The following SDK1 variants were observed in gnomAD, a reference collection of about 807,000 sequenced individuals.
SDK1 encodes the protein sidekick cell adhesion molecule 1, also known as protein sidekick-1.
SDK1 carries 157 observed loss-of-function variants against 245.5 expected under a neutral mutation model. The ratio of observed to expected loss-of-function variants is 0.64; its 90% CI spans 0.56 to 0.73. The LOEUF is 0.73. SDK1 is among the 30% of genes least tolerant of loss of function. The pLI is 0.00. For synonymous variants in SDK1, 1,647 were observed against 1,278.5 expected (o/e 1.29, Z -6.15); for missense variants, 3,583 against 3,002.3 (o/e 1.19, Z -4.52).
chr7:4,065,867 C>G (rs1047646852), intron 19 of SDK1, among the ~76,000 whole-genome samples: 4 of 152,010 alleles, frequency 2.6e-5, no homozygotes, highest in African/African-American at 7.2e-5. Context: ...AGAACAGGGA[C>G]TTTGCAGGGG....
intron 1 of SDK1, among the ~76,000 whole-genome samples, chr7:3,531,788 A>T: frequency 6.6e-6 from 1 of 152,360 alleles, no homozygotes; most frequent in South Asian, 2.1e-4. Flanking sequence ...TATCTGAACA[A>T]TGTAAAGTGT....
In SDK1 at chr7:3,838,698, T is replaced by C. The variant is rs57140162; in HGVS notation, c.847+17115T>C. Among the ~76,000 whole-genome samples, 441 of 152,330 alleles carry C rather than the reference T, an allele frequency of 2.9e-3. 4 individuals carry two copies. Among genetic ancestry groups the C allele is most frequent in the African/African-American group, 0.01 (421 of 41,572 alleles). ...CGATCTGAGGGAGCTGATGGGATGC[T>C]GCTCTCAACTGGGGCATCACCTCAT... On this transcript the variant is annotated intron_variant, in intron 5 of 44. Coordinates refer to ENST00000404826, the MANE Select transcript of SDK1 (RefSeq NM_152744.4).
At chr7:3,550,954 A>G (rs1779383806) in intron 1 of SDK1, among the ~76,000 whole-genome samples, 1 of 152,236 alleles carries the variant, frequency 6.6e-6, no homozygotes, top group African/African-American at 2.4e-5. Flanking sequence ...TGATTGTTAA[A>G]AGAAATAAAG....
chr7:3,998,767 C>T (rs1784860925), intron 14 of SDK1, among the ~76,000 whole-genome samples: 2 of 152,198 alleles, frequency 1.3e-5, no homozygotes, highest in South Asian at 2.1e-4. Flanking sequence ...ACAACACCTC[C>T]GTATCTTCCG....
intron 4 of SDK1, among the ~76,000 whole-genome samples, chr7:3,739,880 T>C (rs973992382): frequency 6.6e-6 from 1 of 152,248 alleles, no homozygotes; most frequent in Non-Finnish European, 1.5e-5. Flanking sequence ...ATATGGCAAT[T>C]TTGGAAATCA....
chr7:3,862,105 T>C (rs753625689), intron 5 of SDK1, among the ~76,000 whole-genome samples: 4 of 152,214 alleles, frequency 2.6e-5, no homozygotes, highest in Non-Finnish European at 5.9e-5. Context: ...AACATCTCAT[T>C]TGAATTACTA....
intron 4 of SDK1, among the ~76,000 whole-genome samples, chr7:3,806,279 C>CTAGGATGTGGACGTCCACAT (rs1779241830): frequency 7.2e-6 from 1 of 139,096 alleles, no homozygotes; most frequent in Non-Finnish European, 1.6e-5. Flanking sequence ...TAACGTATCT[C>CTAGGATGTGGACGTCCACAT]TAGGATGTGG....
chr7:3,608,754 A>G (rs543013220), intron 1 of SDK1, among the ~76,000 whole-genome samples: 105 of 152,364 alleles, frequency 6.9e-4, no homozygotes, highest in Non-Finnish European at 1.3e-3. Context: ...TTAATGTAAC[A>G]AAGCACCAAA....
chr7:3,951,975 T>C, intron 7 of SDK1, 55 bp downstream of exon 7: 1 of 1,483,024 alleles, frequency 6.7e-7, no homozygotes, highest in Non-Finnish European at 9.2e-7. Context: ...CATCCGACAC[T>C]GACTCTTCTG....
chr7:3,478,462 C>G (rs538685038), intron 1 of SDK1, among the ~76,000 whole-genome samples: 3 of 151,870 alleles, frequency 2.0e-5, no homozygotes, highest in African/African-American at 7.2e-5. Flanking sequence ...AGAAAAATAA[C>G]CTAGGAGTAT....
At chr7:3,970,650 A>G (rs1782421358) in intron 11 of SDK1, among the ~76,000 whole-genome samples, 1 of 152,240 alleles carries the variant, frequency 6.6e-6, no homozygotes, top group Non-Finnish European at 1.5e-5. Context: ...ATTCAACATT[A>G]TAGCGACACT....
intron 1 of SDK1, among the ~76,000 whole-genome samples, chr7:3,403,386 T>G (rs1207501868): frequency 6.6e-6 from 1 of 152,166 alleles, no homozygotes; most frequent in Non-Finnish European, 1.5e-5. Context: ...TTTTGGAGAA[T>G]TGTTAGTTAT....
chr7:3,614,591 G>A (rs11979940), intron 1 of SDK1, among the ~76,000 whole-genome samples: 3 of 152,006 alleles, frequency 2.0e-5, no homozygotes, highest in African/African-American at 7.3e-5. Context: ...CTTGAATACT[G>A]ATCCTTCTTT....
chr7:3,664,637 G>A (rs1783470180), intron 4 of SDK1, among the ~76,000 whole-genome samples: 1 of 151,806 alleles, frequency 6.6e-6, no homozygotes, highest in Non-Finnish European at 1.5e-5. Flanking sequence ...CTGCTTGGAA[G>A]GCTGAGGCAC....
chr7:4,206,419 G>A (rs1487238058), intron 36 of SDK1, among the ~76,000 whole-genome samples: 1 of 152,172 alleles, frequency 6.6e-6, no homozygotes, highest in Non-Finnish European at 1.5e-5. Flanking sequence ...GTCACAGTTG[G>A]ACACTGAGTG....
At chr7:3,316,823 C>A (rs1485204982) in intron 1 of SDK1, among the ~76,000 whole-genome samples, 1 of 152,090 alleles carries the variant, frequency 6.6e-6, no homozygotes, top group Non-Finnish European at 1.5e-5. Flanking sequence ...ATTGTATCCC[C>A]CTTTTTTGCT....
chr7:4,059,599 G>C lies in SDK1; in HGVS notation c.2911+7769G>C, dbSNP rs142195238. Among the ~76,000 whole-genome samples the C allele has an allele frequency of 4.0e-4, 61 of 152,290 alleles. 1 individual carries two copies. The highest frequency in any genetic ancestry group is 1.4e-3 in the African/African-American group (58 of 41,552). ...CGCTTTAGACTAAATGGACCTAACAGACATTTACAGAACATTTCATCTAAT... is the reference window on the plus strand; with the variant it reads ...CGCTTTAGACTAAATGGACCTAACACACATTTACAGAACATTTCATCTAAT... On this transcript the variant is annotated intron_variant, in intron 19 of 44. Coordinates refer to ENST00000404826, the MANE Select transcript of SDK1 (RefSeq NM_152744.4).
At chr7:3,372,141 C>T (rs980517643) in intron 1 of SDK1, among the ~76,000 whole-genome samples, 35 of 152,128 alleles carry the variant, frequency 2.3e-4, no homozygotes, top group Admixed American at 1.8e-3. Flanking sequence ...GTTTCATCCA[C>T]GGAGGAGACC....
chr7:3,354,507 T>G (rs1780742777), intron 1 of SDK1, among the ~76,000 whole-genome samples: 1 of 152,236 alleles, frequency 6.6e-6, no homozygotes, highest in African/African-American at 2.4e-5. Flanking sequence ...TAATAAAAGT[T>G]AAAGTTAACA....
Sources: allele counts gnomAD v4.1 joint callset (sites outside exome capture counted in the v4.1 genomes callset), GRCh38; gene constraint gnomAD v4.1.1; transcripts MANE v1.5; gene names NCBI Gene and HGNC (gene_info 2026-07-23, HGNC 2026-07-21).